Variants in MAF observed in about 807,000 individuals in gnomAD.
The protein encoded by MAF is MAF bZIP transcription factor.
A neutral mutation model predicts 22.0 loss-of-function variants in MAF; 10 were observed. The ratio of observed to expected loss-of-function variants is 0.45; its 90% confidence interval spans 0.28 to 0.77. The LOEUF (loss-of-function observed/expected upper bound fraction) is 0.77, where lower values mean the gene tolerates loss of function less well. Ranked by LOEUF, MAF falls within the 30% of genes least tolerant of loss-of-function variation. The probability of loss-of-function intolerance (pLI) is 0.12; values close to 1 mark genes in which losing one functional copy is unlikely to be tolerated. For synonymous variants in MAF, 337 were observed against 255.8 expected (o/e 1.32, Z -3.03); for missense variants, 544 against 548.4 (o/e 0.99, Z 0.08).
chr16:79,434,238 G>T, the MAF span, among the ~76,000 whole-genome samples: 1 of 152,212 alleles, frequency 6.6e-6, no homozygotes, highest in Non-Finnish European at 1.5e-5. Context: ...ATAAGAAAAT[G>T]ATGTATGTTT....
the MAF span, among the ~76,000 whole-genome samples, chr16:79,299,219 C>T: frequency 6.6e-6 from 1 of 152,098 alleles, no homozygotes; most frequent in Non-Finnish European, 1.5e-5. Context: ...CCAGGAAATC[C>T]CACCTCCCAT....
the MAF span, among the ~76,000 whole-genome samples, chr16:79,564,947 A>T: frequency 6.6e-6 from 1 of 152,320 alleles, no homozygotes; most frequent in South Asian, 2.1e-4. Context: ...GGGCTGGTGT[A>T]AAAAATGTGG....
the MAF span, among the ~76,000 whole-genome samples, chr16:79,511,376 A>T: frequency 2.6e-5 from 4 of 152,296 alleles, no homozygotes; most frequent in Admixed American, 2.6e-4. Context: ...AGAGAGAGGG[A>T]ATGGTTTACT....
the MAF span, among the ~76,000 whole-genome samples, chr16:79,312,426 TCC>T: frequency 3.6e-4 from 55 of 152,334 alleles, no homozygotes; most frequent in African/African-American, 1.2e-3. Flanking sequence ...ATAGCTGACC[TCC>T]ATACATGCAT....
the MAF span, among the ~76,000 whole-genome samples, chr16:79,441,134 A>T: frequency 1.3e-5 from 2 of 152,186 alleles, no homozygotes; most frequent in African/African-American, 4.8e-5. Context: ...AGCTGTTTTT[A>T]TTCCCCATCT....
chr16:79,224,322 A>G, the MAF span, among the ~76,000 whole-genome samples: 1 of 152,172 alleles, frequency 6.6e-6, no homozygotes, highest in African/African-American at 2.4e-5. Flanking sequence ...CCTTCATGCT[A>G]AAACTCTCAA....
chr16:79,454,156 G>A, the MAF span, among the ~76,000 whole-genome samples: 1 of 152,164 alleles, frequency 6.6e-6, no homozygotes, highest in Non-Finnish European at 1.5e-5. Flanking sequence ...AAGATTCTAA[G>A]AGATTAAGCG....
At chr16:79,408,317 C>T in the MAF span, among the ~76,000 whole-genome samples, 1 of 152,088 alleles carries the variant, frequency 6.6e-6, no homozygotes, top group East Asian at 1.9e-4. Flanking sequence ...GCTGGGATTA[C>T]AGGTGCCTGC....
At chr16:79,567,998 A>G in the MAF span, among the ~76,000 whole-genome samples, 1 of 152,252 alleles carries the variant, frequency 6.6e-6, no homozygotes, top group Non-Finnish European at 1.5e-5. Context: ...GATTTATTAC[A>G]GAATGATAAT....
the MAF span, among the ~76,000 whole-genome samples, chr16:79,382,607 C>T: frequency 7.9e-5 from 12 of 152,128 alleles, no homozygotes; most frequent in African/African-American, 1.4e-4. Flanking sequence ...CAGCTATTGA[C>T]GAAAAAGTGG....
chr16:79,239,449 G>A, the MAF span, among the ~76,000 whole-genome samples: 1 of 151,976 alleles, frequency 6.6e-6, no homozygotes, highest in Non-Finnish European at 1.5e-5. Flanking sequence ...GGTTTGTAGG[G>A]AACAAACCTC....
chr16:79,524,830 G>A, the MAF span, among the ~76,000 whole-genome samples: 1 of 152,164 alleles, frequency 6.6e-6, no homozygotes, highest in African/African-American at 2.4e-5. Context: ...AACTTATGGG[G>A]CAGACAGATT....
At chr16:79,495,827 A>G in the MAF span, among the ~76,000 whole-genome samples, 457 of 152,324 alleles carry the variant, frequency 3.0e-3, 2 homozygotes, top group African/African-American at 0.011. Flanking sequence ...TTTGAGCACC[A>G]GCCACACGTC....
chr16:79,521,061 T>G, the MAF span, among the ~76,000 whole-genome samples: 1 of 152,242 alleles, frequency 6.6e-6, no homozygotes, highest in Non-Finnish European at 1.5e-5. Flanking sequence ...CACTGTATCA[T>G]ACATTCCTGG....
At chr16:79,209,525 T>A in the MAF span, among the ~76,000 whole-genome samples, 1 of 152,146 alleles carries the variant, frequency 6.6e-6, no homozygotes, top group African/African-American at 2.4e-5. Context: ...GGCGGGAGGC[T>A]GGACTTGAAA....
chr16:79,355,495 A>G, the MAF span, among the ~76,000 whole-genome samples: 1 of 152,228 alleles, frequency 6.6e-6, no homozygotes, highest in Non-Finnish European at 1.5e-5. Flanking sequence ...GAGAAGTGAG[A>G]GAAGGAGCCT....
At chr16:79,404,990 C>G in the MAF span, among the ~76,000 whole-genome samples, 73 of 152,270 alleles carry the variant, frequency 4.8e-4, no homozygotes, top group African/African-American at 1.8e-3. Flanking sequence ...AGTACCGAAC[C>G]ACACAGGTGT....
the MAF span, among the ~76,000 whole-genome samples, chr16:79,245,140 T>A: frequency 6.6e-6 from 1 of 151,872 alleles, no homozygotes; most frequent in African/African-American, 2.4e-5. Flanking sequence ...GCAATACCAT[T>A]CAGGATATAG....
intron 1 of MAF, chr16:79,595,942 C>T (rs1913494097): frequency 1.9e-6 from 2 of 1,059,390 alleles, no homozygotes; most frequent in Non-Finnish European, 2.3e-6. Flanking sequence ...CAAAACAAAA[C>T]AAACAACTAT....
Sources: allele counts gnomAD v4.1 joint callset (sites outside exome capture counted in the v4.1 genomes callset), GRCh38; gene constraint gnomAD v4.1.1; transcripts MANE v1.5; gene names NCBI Gene and HGNC (gene_info 2026-07-23, HGNC 2026-07-21).